Variants in BMP7 observed in about 807,000 individuals in gnomAD.
BMP7 encodes the protein osteogenic protein 1.
A neutral mutation model predicts 41.2 loss-of-function variants in BMP7; 12 were observed. The observed-to-expected ratio is 0.29, with a 90% CI of 0.19 to 0.47. BMP7 has a LOEUF of 0.47. Among genes scored for constraint, BMP7 ranks in the 20% least tolerant of loss-of-function variants. The probability of loss-of-function intolerance (pLI) is 0.99; values close to 1 mark genes in which losing one functional copy is unlikely to be tolerated. For missense variants in BMP7, 467 were observed against 606.0 expected (o/e 0.77, Z 2.41); for synonymous variants, 248 against 250.0 (o/e 0.99, Z 0.07).
intron 1 of BMP7, among the ~76,000 whole-genome samples, chr20:57,246,383 C>A (rs2123136315): frequency 6.6e-6 from 1 of 152,310 alleles, no homozygotes; most frequent in East Asian, 1.9e-4. Context: ...AGATACAGGG[C>A]ATTAGGCCTG....
chr20:57,209,217 A>G (rs2123097069), intron 2 of BMP7, among the ~76,000 whole-genome samples: 1 of 145,978 alleles, frequency 6.9e-6, no homozygotes, highest in East Asian at 2.0e-4. Context: ...TCAAAAATAA[A>G]TGAATAAACA....
intron 2 of BMP7, among the ~76,000 whole-genome samples, chr20:57,225,178 T>G (rs1985282286): frequency 6.6e-6 from 1 of 152,086 alleles, no homozygotes; most frequent in Non-Finnish European, 1.5e-5. Flanking sequence ...GTTGGGGACA[T>G]GCAACCAGGT....
intron 1 of BMP7, among the ~76,000 whole-genome samples, chr20:57,229,929 G>A (rs532907575): frequency 1.6e-4 from 25 of 152,298 alleles, no homozygotes; most frequent in African/African-American, 5.8e-4. Flanking sequence ...AGAGAGCAGG[G>A]TGAGGGCAGG....
intron 1 of BMP7, among the ~76,000 whole-genome samples, chr20:57,239,962 G>C (rs1487437628): frequency 1.3e-5 from 2 of 152,172 alleles, no homozygotes; most frequent in Non-Finnish European, 2.9e-5. Context: ...GATGGGAGGG[G>C]CTGCCATGAA....
At chr20:57,249,996 G>C (rs1044704109) in intron 1 of BMP7, among the ~76,000 whole-genome samples, 1 of 152,178 alleles carries the variant, frequency 6.6e-6, no homozygotes, top group African/African-American at 2.4e-5. Context: ...CCAGTGACCT[G>C]GACCCAAAGA....
Sources: allele counts gnomAD v4.1 joint callset (sites outside exome capture counted in the v4.1 genomes callset), GRCh38; gene constraint gnomAD v4.1.1; transcripts MANE v1.5; gene names NCBI Gene and HGNC (gene_info 2026-07-23, HGNC 2026-07-21).